FOXN3: variants seen among roughly 807,000 people sequenced by gnomAD.
FOXN3 encodes forkhead box protein N3.
In FOXN3, 7 loss-of-function variants were observed where a neutral mutation model predicts 38.4. The ratio of observed to expected loss-of-function variants is 0.18; its 90% CI spans 0.10 to 0.34. The LOEUF (loss-of-function observed/expected upper bound fraction) is 0.34. Ranked by LOEUF, FOXN3 falls within the 10% of genes least tolerant of loss-of-function variation. FOXN3 has a pLI of 1.00. For missense variants in FOXN3, 456 were observed against 613.4 expected, an observed-to-expected ratio of 0.74 and a Z score of 2.71; for synonymous variants, 230 against 242.2, an observed-to-expected ratio of 0.95 and a Z score of 0.47.
intron 4 of FOXN3, among the ~76,000 whole-genome samples, chr14:89,216,494 C>A (rs879939859): frequency 6.6e-6 from 1 of 152,138 alleles, no homozygotes; most frequent in Admixed American, 6.5e-5. Flanking sequence ...CTGGAACTAC[C>A]TTCCAACAGG....
chr14:89,313,995 G>T lies in FOXN3; in HGVS notation c.681-32981C>A, dbSNP rs1239368456. ...CCAGAGCTGGAGAGAGGGGGAAAGG[G>T]GGAGTTGGAGAGTATCAGTTTTGCA... On this transcript the variant is annotated intron_variant, in intron 3 of 5. Transcript: ENST00000557258. Among the ~76,000 whole-genome samples the T allele has an allele frequency of 2.0e-5, 3 of 152,258 alleles. No homozygotes were observed. In the East Asian group the frequency reaches 5.8e-4, roughly 29 times the overall value.
chr14:89,495,893 G>C (rs983863235), intron 1 of FOXN3, among the ~76,000 whole-genome samples: 4 of 152,188 alleles, frequency 2.6e-5, no homozygotes, highest in Admixed American at 2.6e-4. Flanking sequence ...TAGGTCACCT[G>C]ATCCGATGTT....
rs1216730881 is a variant in FOXN3 at position 89,524,386 on chromosome 14, AAAAAAAAAAAAAAAAAAG to A, written c.-15+94624_-15+94641del. Among the ~76,000 whole-genome samples, 515 of 107,726 alleles carry A rather than the reference AAAAAAAAAAAAAAAAAAG, an allele frequency of 4.8e-3. 10 individuals carry two copies. The highest frequency in any genetic ancestry group is 0.013 in the Middle Eastern group (3 of 240). The allele number at this position is 107,726 out of a possible 152,430, so 70.7% of individuals were successfully genotyped here. A position where few individuals can be genotyped will look rare whatever the true frequency, so the allele number is the denominator to read the frequency against. On this transcript the variant is annotated intron_variant, in intron 1 of 6. Transcript: ENST00000345097. Reference sequence around the variant, plus strand: ...GACTCCATCTCAAAAAAAAAAAAAAAAAAAAAAAAAAAAAAAAGAAAGAAAGAAACTAGAAAAAGAACT... The same window carrying A: ...GACTCCATCTCAAAAAAAAAAAAAAAAAAGAAAGAAACTAGAAAAAGAACT...
chr14:89,274,388 T>G (rs910185881), intron 4 of FOXN3, among the ~76,000 whole-genome samples: 1 of 152,206 alleles, frequency 6.6e-6, no homozygotes, highest in African/African-American at 2.4e-5. Context: ...ACCTGAGGCA[T>G]GAAACATTGA....
intron 1 of FOXN3, among the ~76,000 whole-genome samples, chr14:89,602,581 C>T (rs1009939466): frequency 2.0e-5 from 3 of 151,938 alleles, no homozygotes; most frequent in African/African-American, 7.3e-5. Context: ...ACTGCAACCT[C>T]CGCCCCCCGA....
intron 3 of FOXN3, among the ~76,000 whole-genome samples, chr14:89,331,770 C>T (rs968441017): frequency 2.0e-5 from 3 of 152,210 alleles, no homozygotes; most frequent in Non-Finnish European, 4.4e-5. Context: ...ATAATAGCCT[C>T]CTCTGTGCAA....
At chr14:89,371,905 G>A (rs1023902261) in intron 2 of FOXN3, among the ~76,000 whole-genome samples, 4 of 151,890 alleles carry the variant, frequency 2.6e-5, no homozygotes, top group Admixed American at 6.6e-5. Flanking sequence ...TCCTTCACCC[G>A]TTCAGGTCCC....
At chr14:89,222,832 T>A (rs1884510135) in intron 4 of FOXN3, among the ~76,000 whole-genome samples, 1 of 152,162 alleles carries the variant, frequency 6.6e-6, no homozygotes, top group Non-Finnish European at 1.5e-5. Flanking sequence ...ATAAAAATTT[T>A]AAAAAAGGAA....
chr14:89,305,529 A>C lies in FOXN3; in HGVS notation c.681-24515T>G, dbSNP rs190785004. Among the ~76,000 whole-genome samples, 40 of 152,356 alleles carry C rather than the reference A, an allele frequency of 2.6e-4. No homozygotes were observed. The East Asian group carries it at 7.5e-3, about 29-fold the overall frequency. On this transcript the variant is annotated intron_variant, in intron 3 of 5. Transcript: ENST00000557258. ...GTTTGAACAACAGAACAGACTTAAC[A>C]TACTGCTGTATCTTTAACTATCATT...
chr14:89,502,704 G>A (rs531538392), intron 1 of FOXN3, among the ~76,000 whole-genome samples: 30 of 152,188 alleles, frequency 2.0e-4, no homozygotes, highest in Non-Finnish European at 2.4e-4. Flanking sequence ...GGAATATGGT[G>A]TATTTTAATA....
intron 4 of FOXN3, among the ~76,000 whole-genome samples, chr14:89,197,503 CAA>C (rs5810450): frequency 2.1e-5 from 3 of 144,044 alleles, no homozygotes; most frequent in African/African-American, 2.5e-5. Context: ...AAGACTGTGT[CAA>C]AAAAAAAAAA....
chr14:89,510,531 CACATGAG>C (rs982682232), intron 1 of FOXN3, among the ~76,000 whole-genome samples: 31 of 152,164 alleles, frequency 2.0e-4, no homozygotes, highest in African/African-American at 6.3e-4. Context: ...GCTCCGATCA[CACATGAG>C]ACCAGTGTGG....
At chr14:89,496,222 A>G (rs1893680836) in intron 1 of FOXN3, among the ~76,000 whole-genome samples, 1 of 152,068 alleles carries the variant, frequency 6.6e-6, no homozygotes, top group Admixed American at 6.6e-5. Flanking sequence ...TCAAAAAAAG[A>G]GTACTTGACT....
At chr14:89,526,710 A>G (rs772546761) in intron 1 of FOXN3, among the ~76,000 whole-genome samples, 3 of 152,174 alleles carry the variant, frequency 2.0e-5, no homozygotes, top group Non-Finnish European at 4.4e-5. Flanking sequence ...CCCAACAAAA[A>G]TCCCAACAGG....
intron 3 of FOXN3, among the ~76,000 whole-genome samples, chr14:89,328,494 C>G (rs1008099988): frequency 4.6e-5 from 7 of 151,906 alleles, no homozygotes; most frequent in Admixed American, 1.3e-4. Context: ...TTCCCAACAG[C>G]AGCCCTGGGT....
chr14:89,564,134 C>T (rs7155193), intron 1 of FOXN3, among the ~76,000 whole-genome samples: 1,522 of 152,166 alleles, frequency 0.01, 27 homozygotes, highest in African/African-American at 0.035. Flanking sequence ...GGATTACAGG[C>T]ATGAGCCACC....
chr14:89,523,271 T>C (rs1894358632), intron 1 of FOXN3, among the ~76,000 whole-genome samples: 1 of 152,122 alleles, frequency 6.6e-6, no homozygotes, highest in Non-Finnish European at 1.5e-5. Flanking sequence ...TAGACTGAGA[T>C]TTCAGCAACC....
chr14:89,182,975 C>T (rs948286066), intron 4 of FOXN3, among the ~76,000 whole-genome samples: 3 of 152,130 alleles, frequency 2.0e-5, no homozygotes, highest in African/African-American at 7.2e-5. Flanking sequence ...GGATCATACA[C>T]CTAAATGTAG....
intron 1 of FOXN3, among the ~76,000 whole-genome samples, chr14:89,547,951 T>G (rs1054648160): frequency 6.6e-6 from 1 of 152,130 alleles, no homozygotes; most frequent in African/African-American, 2.4e-5. Context: ...GCTAGTTATC[T>G]CCTCTAGGAA....
Sources: gnomAD v4.1 joint callset for allele counts (sites outside exome capture counted in the v4.1 genomes callset) on GRCh38, gnomAD v4.1.1 for gene constraint, MANE v1.5 for transcripts, NCBI Gene and HGNC (gene_info 2026-07-23, HGNC 2026-07-21) for gene names.